Variants in CCDC146 observed in about 807,000 individuals in gnomAD.
The protein encoded by CCDC146 is coiled-coil domain containing 146.
Under a neutral mutation model 119.3 loss-of-function variants are expected in CCDC146, and 92 were observed. That is an observed-to-expected ratio of 0.77 (90% CI 0.65 to 0.92). The LOEUF (loss-of-function observed/expected upper bound fraction) is 0.92. CCDC146 is among the 40% of genes least tolerant of loss of function. The probability of loss-of-function intolerance (pLI) is 0.00; values close to 1 mark genes in which losing one functional copy is unlikely to be tolerated. For synonymous variants in CCDC146, 372 were observed against 371.8 expected (o/e 1.00, Z -0.01); for missense variants, 1,000 against 1,103.0 (o/e 0.91, Z 1.32).
intron 2 of CCDC146, among the ~76,000 whole-genome samples, chr7:77,234,234 T>A (rs1792690716): frequency 7.2e-6 from 1 of 138,920 alleles, no homozygotes; most frequent in Admixed American, 7.4e-5. Context: ...CTCCTTTAAG[T>A]GTGTCCATTT....
At chr7:77,152,467 A>G (rs1791120779) in intron 1 of CCDC146, among the ~76,000 whole-genome samples, 1 of 152,200 alleles carries the variant, frequency 6.6e-6, no homozygotes, top group Non-Finnish European at 1.5e-5. Context: ...TGAAATTTGT[A>G]GACATGGGAG....
At chr7:77,267,227 A>G (rs1162880205) in intron 9 of CCDC146, among the ~76,000 whole-genome samples, 3 of 152,086 alleles carry the variant, frequency 2.0e-5, no homozygotes, top group Non-Finnish European at 4.4e-5. Context: ...TCCTGACCTC[A>G]GGTGATCCAC....
At chr7:77,142,366 A>C (rs188739223) in intron 1 of CCDC146, among the ~76,000 whole-genome samples, 36 of 151,826 alleles carry the variant, frequency 2.4e-4, no homozygotes, top group African/African-American at 8.7e-4. Flanking sequence ...GTTCTAGGGT[A>C]CATGTGCACA....
intron 9 of CCDC146, among the ~76,000 whole-genome samples, chr7:77,272,934 A>G (rs1397171323): frequency 2.6e-5 from 4 of 152,210 alleles, no homozygotes; most frequent in Non-Finnish European, 2.9e-5. Context: ...TCAAATGACT[A>G]TATATAAGTA....
chr7:77,157,917 A>G (rs565410881), intron 1 of CCDC146, among the ~76,000 whole-genome samples: 153 of 152,266 alleles, frequency 1.0e-3, no homozygotes, highest in African/African-American at 3.6e-3. Flanking sequence ...CTTGCTCACC[A>G]TGGTACCTAT....
At chr7:77,134,784 G>T (rs1167699307) in intron 1 of CCDC146, among the ~76,000 whole-genome samples, 2 of 152,126 alleles carry the variant, frequency 1.3e-5, no homozygotes, top group African/African-American at 4.8e-5. Context: ...TCCAGGGTTG[G>T]TACCTGAGCT....
chr7:77,148,525 G>A (rs1405122582), intron 1 of CCDC146, among the ~76,000 whole-genome samples: 1 of 152,030 alleles, frequency 6.6e-6, no homozygotes, highest in East Asian at 1.9e-4. Context: ...GTAGACTGCA[G>A]CTGTTCCTAT....
intron 1 of CCDC146, among the ~76,000 whole-genome samples, chr7:77,152,334 G>A (rs1366867442): frequency 6.6e-6 from 1 of 152,102 alleles, no homozygotes; most frequent in Non-Finnish European, 1.5e-5. Flanking sequence ...TACCTTCAAA[G>A]GAAGAAAATA....
chr7:77,258,820 A>G (rs1033311951), intron 6 of CCDC146, among the ~76,000 whole-genome samples, 175 bp from the exon 7 acceptor site: 18 of 152,224 alleles, frequency 1.2e-4, no homozygotes, highest in African/African-American at 4.3e-4. Context: ...AATGATAACA[A>G]ATATAGCTCT....
At chr7:77,229,886 G>A (rs566299589) in intron 2 of CCDC146, among the ~76,000 whole-genome samples, 1 of 152,082 alleles carries the variant, frequency 6.6e-6, no homozygotes, top group Admixed American at 6.5e-5. Context: ...GTATAATCAT[G>A]GCATAATTGT....
chr7:77,227,937 T>G (rs1792546102), intron 2 of CCDC146, among the ~76,000 whole-genome samples: 1 of 152,218 alleles, frequency 6.6e-6, no homozygotes, highest in Non-Finnish European at 1.5e-5. Context: ...TCTCTATATA[T>G]TCACATACTC....
intron 18 of CCDC146, among the ~76,000 whole-genome samples, 182 bp downstream of exon 18, chr7:77,293,382 T>C (rs17151231): frequency 0.23 from 35,637 of 152,122 alleles, 4,907 homozygotes; most frequent in African/African-American, 0.37. Flanking sequence ...TCCAGAGTGC[T>C]ACAATACTCA....
chr7:77,141,445 T>G (rs938954029), intron 1 of CCDC146, among the ~76,000 whole-genome samples: 14 of 152,326 alleles, frequency 9.2e-5, no homozygotes, highest in African/African-American at 2.6e-4. Flanking sequence ...GTAATGGGAT[T>G]GCTGGGTCAA....
intron 4 of CCDC146, among the ~76,000 whole-genome samples, chr7:77,243,249 G>T (rs969443422): frequency 1.3e-5 from 2 of 152,200 alleles, no homozygotes; most frequent in African/African-American, 4.8e-5. Flanking sequence ...TTTAGGTATA[G>T]ACAGGCACAT....
In CCDC146 at chr7:77,260,021, G is replaced by GA. The variant is rs760714628; in HGVS notation, c.778dup (p.Ile260AsnfsTer12). ...GTATCCCCTACAGAGAAATGGAAAAGAAAAAAATTGTCTTGGAACAAGAAG... is the reference window on the plus strand; with the variant it reads ...GTATCCCCTACAGAGAAATGGAAAAGAAAAAAAATTGTCTTGGAACAAGAAG... On this transcript the variant is annotated frameshift_variant, in exon 8 of 19. Transcript: ENST00000285871. LOFTEE classifies it high-confidence loss of function. 12 of 1,577,732 alleles carry GA rather than the reference G, an allele frequency of 7.6e-6. No individual in the cohort carries two copies. In the East Asian group the frequency reaches 2.5e-4, roughly 33 times the overall value.
chr7:77,282,532 C>T (rs202049432), intron 14 of CCDC146, 25 bp from the exon 15 acceptor site: 3 of 1,539,450 alleles, frequency 1.9e-6, no homozygotes, highest in Non-Finnish European at 2.7e-6. Context: ...GCCCACTTAG[C>T]CTCTGCCTCT....
At chr7:77,158,131 G>A (rs1791204055) in intron 1 of CCDC146, among the ~76,000 whole-genome samples, 3 of 152,032 alleles carry the variant, frequency 2.0e-5, no homozygotes, top group Admixed American at 1.3e-4. Context: ...TCCTAAGAAC[G>A]TTGCTTTTTA....
intron 2 of CCDC146, among the ~76,000 whole-genome samples, chr7:77,172,028 A>G (rs1791429852): frequency 6.6e-6 from 1 of 152,214 alleles, no homozygotes; most frequent in African/African-American, 2.4e-5. Flanking sequence ...GCTTTCAATA[A>G]TCGTTTCAAA....
intron 2 of CCDC146, among the ~76,000 whole-genome samples, chr7:77,200,412 C>T (rs1292620444): frequency 1.3e-5 from 2 of 152,208 alleles, no homozygotes; most frequent in African/African-American, 4.8e-5. Flanking sequence ...GAAAAAAGTG[C>T]TACTTTCTAT....
Sources: gnomAD v4.1 joint callset for allele counts (sites outside exome capture counted in the v4.1 genomes callset) on GRCh38, gnomAD v4.1.1 for gene constraint, MANE v1.5 for transcripts, NCBI Gene and HGNC (gene_info 2026-07-23, HGNC 2026-07-21) for gene names.